The following NDRG3 variants were observed in gnomAD, a reference collection of about 807,000 sequenced individuals.
NDRG3 encodes NDRG family member 3.
NDRG3 carries 23 observed loss-of-function variants against 57.2 expected under a neutral mutation model. The ratio of observed to expected loss-of-function variants is 0.40; its 90% CI spans 0.29 to 0.57. The LOEUF is 0.57. Ranked by LOEUF, NDRG3 falls within the 20% of genes least tolerant of loss-of-function variation. The pLI is 0.42. For missense variants in NDRG3, 384 were observed against 457.3 expected (o/e 0.84, Z 1.46); for synonymous variants, 132 against 162.6 (o/e 0.81, Z 1.43).
At chr20:36,743,461 TC>T (rs1330259565) in intron 1 of NDRG3, among the ~76,000 whole-genome samples, 1 of 151,436 alleles carries the variant, frequency 6.6e-6, no homozygotes, top group Non-Finnish European at 1.5e-5. Context: ...GCCACTGCAC[TC>T]CAGCCTGGGC....
intron 1 of NDRG3, among the ~76,000 whole-genome samples, chr20:36,739,133 T>TTAAAA (rs1568676736): frequency 0.011 from 340 of 31,518 alleles, 141 homozygotes; most frequent in Non-Finnish European, 0.016. Flanking sequence ...AGACCCCATC[T>TTAAAA]CAAAAAAAAA....
intron 8 of NDRG3, among the ~76,000 whole-genome samples, chr20:36,679,527 G>C (rs902018816): frequency 2.0e-5 from 3 of 148,558 alleles, no homozygotes; most frequent in Non-Finnish European, 4.5e-5. Flanking sequence ...TTTTGAGACA[G>C]AGTTTCACTC....
At chr20:36,685,422 TGCCTCAG>T (rs745840484) in intron 5 of NDRG3, among the ~76,000 whole-genome samples, 240 of 152,250 alleles carry the variant, frequency 1.6e-3, no homozygotes, top group Non-Finnish European at 9.3e-4. Context: ...GCTATCCTCC[TGCCTCAG>T]GCTTCTGAGT....
chr20:36,697,490 T>A (rs1982890806), intron 3 of NDRG3, among the ~76,000 whole-genome samples: 1 of 152,140 alleles, frequency 6.6e-6, no homozygotes, highest in Non-Finnish European at 1.5e-5. Flanking sequence ...GTGGATCACC[T>A]GAGGTCAGGA....
At chr20:36,687,086 G>A (rs942591119) in intron 5 of NDRG3, among the ~76,000 whole-genome samples, 5 of 151,904 alleles carry the variant, frequency 3.3e-5, no homozygotes, top group African/African-American at 7.3e-5. Context: ...CTTGAACCCC[G>A]GGGCTCAAGC....
intron 3 of NDRG3, among the ~76,000 whole-genome samples, chr20:36,700,990 T>A (rs2148157567): frequency 6.6e-6 from 1 of 152,198 alleles, no homozygotes; most frequent in East Asian, 1.9e-4. Flanking sequence ...CCCAAGCTGA[T>A]CTCAAACTCC....
chr20:36,679,014 G>A (rs1981007810), intron 8 of NDRG3, among the ~76,000 whole-genome samples: 1 of 152,160 alleles, frequency 6.6e-6, no homozygotes, highest in Non-Finnish European at 1.5e-5. Context: ...GCAGTGGCAC[G>A]ATCTTGGCTC....
intron 3 of NDRG3, among the ~76,000 whole-genome samples, chr20:36,700,113 CAAAAA>C (rs1294581784): frequency 2.1e-4 from 10 of 47,102 alleles, no homozygotes; most frequent in Non-Finnish European, 2.3e-4. Flanking sequence ...CAATCAGTCT[CAAAAA>C]AAAAAAAAAA....
intron 12 of NDRG3, among the ~76,000 whole-genome samples, chr20:36,662,055 C>T (rs902676617): frequency 1.3e-5 from 2 of 152,144 alleles, no homozygotes; most frequent in Non-Finnish European, 2.9e-5. Flanking sequence ...CTGCTAGGCA[C>T]AGTGCTTAGA....
chr20:36,677,061 C>T (rs4810276), intron 8 of NDRG3, among the ~76,000 whole-genome samples: 15,434 of 152,260 alleles, frequency 0.1, 976 homozygotes, highest in Admixed American at 0.22. Context: ...GCAGCCGCTG[C>T]GCCTGTGGCT....
At chr20:36,697,159 T>C (rs910419718) in intron 3 of NDRG3, among the ~76,000 whole-genome samples, 1 of 152,104 alleles carries the variant, frequency 6.6e-6, no homozygotes, top group African/African-American at 2.4e-5. Context: ...GAAAAAGTGT[T>C]CTCATTATCT....
At chr20:36,663,795 G>C (rs556226038) in intron 12 of NDRG3, among the ~76,000 whole-genome samples, 1 of 152,220 alleles carries the variant, frequency 6.6e-6, no homozygotes, top group South Asian at 2.1e-4. Context: ...ATGTTCAACA[G>C]TAACATTATT....
chr20:36,665,852 T>C (rs1423220142), intron 10 of NDRG3, among the ~76,000 whole-genome samples: 1 of 152,124 alleles, frequency 6.6e-6, no homozygotes. Flanking sequence ...CACCTCGGCC[T>C]CCCAAACTGC....
chr20:36,745,675 G>A (rs1986153385), intron 1 of NDRG3, among the ~76,000 whole-genome samples: 1 of 152,230 alleles, frequency 6.6e-6, no homozygotes, highest in Non-Finnish European at 1.5e-5. Context: ...CGAGGTAGAT[G>A]GATGAGCAAC....
At chr20:36,679,975 C>T (rs1159462369) in intron 8 of NDRG3, among the ~76,000 whole-genome samples, 1 of 151,434 alleles carries the variant, frequency 6.6e-6, no homozygotes, top group Non-Finnish European at 1.5e-5. Context: ...CAGGCATGCA[C>T]CACCACACCC....
chr20:36,664,962 T>G, intron 12 of NDRG3, 84 bp downstream of exon 12: 1 of 1,358,880 alleles, frequency 7.4e-7, no homozygotes, highest in South Asian at 1.2e-5. Flanking sequence ...GTGTTGGGAA[T>G]ACAGGCGTGA....
At chr20:36,700,195 T>G (rs1983124224) in intron 3 of NDRG3, among the ~76,000 whole-genome samples, 1 of 151,870 alleles carries the variant, frequency 6.6e-6, no homozygotes, top group African/African-American at 2.4e-5. Flanking sequence ...TGGATGATAT[T>G]CAAAAGTAAA....
chr20:36,745,966 A>G, intron 1 of NDRG3, 79 bp downstream of exon 1: 1 of 313,036 alleles, frequency 3.2e-6, no homozygotes, highest in South Asian at 1.4e-4. Context: ...TGATGCGGGG[A>G]AGGAGCAGGG....
rs186134097 is a variant in NDRG3 at position 36,703,564 on chromosome 20, C to T, written c.93+3408G>A. On this transcript the variant is annotated intron_variant, in intron 3 of 15. Transcript: ENST00000349004. ...GCTCAAGCAATCCGCTTGCCTCAGC[C>T]TCCCAAAGTGCTGGGACTACAGGCG... is the stretch of plus-strand genomic sequence containing the variant. Among the ~76,000 whole-genome samples the T allele has an allele frequency of 2.7e-3, 409 of 152,216 alleles. 2 individuals carry two copies. The highest frequency in any genetic ancestry group is 3.5e-3 in the Non-Finnish European group (240 of 68,018).
Sources: gnomAD v4.1 joint callset for allele counts (sites outside exome capture counted in the v4.1 genomes callset) on GRCh38, gnomAD v4.1.1 for gene constraint, MANE v1.5 for transcripts, NCBI Gene and HGNC (gene_info 2026-07-23, HGNC 2026-07-21) for gene names.